Variants in TNPO3 observed in about 807,000 individuals in gnomAD.
The protein encoded by TNPO3 is transportin-3.
TNPO3 carries 65 observed loss-of-function variants against 122.8 expected under a neutral mutation model. That is an observed-to-expected ratio of 0.53 (90% confidence interval 0.43 to 0.65). The LOEUF (loss-of-function observed/expected upper bound fraction) is 0.65. Among genes scored for constraint, TNPO3 ranks in the 30% least tolerant of loss-of-function variants. The pLI is 0.00. For synonymous variants in TNPO3, 372 were observed against 411.2 expected, an observed-to-expected ratio of 0.90 and a Z score of 1.15; for missense variants, 850 against 1,136.7, an observed-to-expected ratio of 0.75 and a Z score of 3.63.
rs767958542 is a variant in TNPO3 at position 129,017,837 on chromosome 7, T to C, written c.321+120A>G. ...CGTTTTCTATCCACTTACAAGAACA[T>C]AGCAGTACATCTGTAATGAAGTTAA... On this transcript the variant is annotated intron_variant, in intron 2 of 22. Transcript: ENST00000265388. The C allele has an allele frequency of 1.2e-5, 12 of 968,810 alleles. No individual in the cohort carries two copies. The South Asian group carries it at 1.6e-4, about 13-fold the overall frequency. The allele number at this position is 968,810 out of a possible 1,614,324, so 60.0% of individuals were successfully genotyped here.
intron 4 of TNPO3, among the ~76,000 whole-genome samples, chr7:129,012,936 T>C (rs1803379764): frequency 1.3e-5 from 2 of 152,172 alleles, no homozygotes; most frequent in South Asian, 2.1e-4. Context: ...CCATAAACTA[T>C]AGATTTACAC....
intron 21 of TNPO3, among the ~76,000 whole-genome samples, chr7:128,959,960 G>A (rs1394332607): frequency 1.3e-5 from 2 of 152,170 alleles, no homozygotes; most frequent in Admixed American, 6.5e-5. Context: ...GGTGGAGGTT[G>A]CAGTGAGCTG....
intron 17 of TNPO3, among the ~76,000 whole-genome samples, chr7:128,975,269 T>C (rs1452021568): frequency 2.6e-5 from 4 of 152,222 alleles, no homozygotes; most frequent in Non-Finnish European, 5.9e-5. Flanking sequence ...AGATTCTATT[T>C]AGGTATAGTC....
intron 1 of TNPO3, among the ~76,000 whole-genome samples, chr7:129,035,518 T>G (rs1584588028): frequency 6.6e-6 from 1 of 152,136 alleles, no homozygotes; most frequent in African/African-American, 2.4e-5. Context: ...GAGGCTGTGG[T>G]GGGAGGTCCA....
intron 18 of TNPO3, among the ~76,000 whole-genome samples, chr7:128,973,275 GT>G (rs1563089383): frequency 6.6e-6 from 1 of 152,104 alleles, no homozygotes; most frequent in Non-Finnish European, 1.5e-5. Flanking sequence ...TTTGAAAGTA[GT>G]TTTGCTTGTT....
Position 128,955,166 on chromosome 7 carries a change from G to A in TNPO3, c.*251C>T, listed in dbSNP as rs1040949899. 10 of 289,132 alleles carry A rather than the reference G, an allele frequency of 3.5e-5. No homozygotes were observed. The Admixed American group carries it at 3.5e-4, about 10-fold the overall frequency. 17.9% of individuals were successfully genotyped at this position (289,132 alleles called of 1,614,324 possible). A position where few individuals can be genotyped will look rare whatever the true frequency, so the allele number is the denominator to read the frequency against. The stretch of plus-strand genomic sequence containing the variant: ...AGGAAACCAGCTCCCCTCCCACCAC[G>A]CCGGGCAGGCCACAGCCATCTTTTT... On this transcript the variant is annotated 3_prime_UTR_variant, in exon 23 of 23. Transcript: ENST00000265388.
chr7:129,044,267 A>G (rs1807756575), intron 1 of TNPO3, among the ~76,000 whole-genome samples: 1 of 152,200 alleles, frequency 6.6e-6, no homozygotes, highest in African/African-American at 2.4e-5. Flanking sequence ...GCCTTGCTCA[A>G]AACATCTATG....
In TNPO3 at chr7:128,990,015, T is replaced by G; in HGVS notation, c.1444A>C (p.Ile482Leu). ...TCACTCATCTCTCCAACCAATTCAA[T>G]GCTGGTGTATCGCACAGCCGTATGT... is the stretch of plus-strand genomic sequence containing the variant. Reference protein sequence around the residue: ...TVHTAVRYTSIELVGEMSEVV... With the variant: ...TVHTAVRYTSLELVGEMSEVV... The change falls in exon 11 of 23, where the codon ATT becomes CTT. Residue 482 changes from isoleucine (I) to leucine (L), a missense_variant. By Grantham distance (5) the Ile-to-Leu change is conservative. Coordinates refer to ENST00000265388, the MANE Select transcript of TNPO3 (RefSeq NM_012470.4). 6.2e-7 allele frequency: 1 copy of G among 1,614,246 alleles called. No homozygotes were observed. The highest frequency in any genetic ancestry group is 8.5e-7 in the Non-Finnish European group (1 of 1,180,046).
chr7:128,998,775 C>T (rs1801611843), intron 7 of TNPO3, among the ~76,000 whole-genome samples: 1 of 152,196 alleles, frequency 6.6e-6, no homozygotes, highest in Non-Finnish European at 1.5e-5. Context: ...CCTCCCACCT[C>T]AGCCTCCAAA....
intron 16 of TNPO3, among the ~76,000 whole-genome samples, chr7:128,976,550 T>G (rs998424502): frequency 6.6e-6 from 1 of 152,160 alleles, no homozygotes; most frequent in Non-Finnish European, 1.5e-5. Flanking sequence ...CTTGGCTCAC[T>G]GTGGCCTCAA....
intron 11 of TNPO3, among the ~76,000 whole-genome samples, chr7:128,989,727 T>C (rs1183244323): frequency 6.6e-6 from 1 of 152,176 alleles, no homozygotes; most frequent in African/African-American, 2.4e-5. Flanking sequence ...TAGAAGCAAA[T>C]TGTTCACTGT....
At chr7:128,995,397 T>C (rs1801199949) in intron 8 of TNPO3, among the ~76,000 whole-genome samples, 1 of 152,190 alleles carries the variant, frequency 6.6e-6, no homozygotes, top group African/African-American at 2.4e-5. Flanking sequence ...GAAAAGCCCT[T>C]AGTACTATTG....
chr7:128,978,460 C>T (rs1250823923), intron 16 of TNPO3, among the ~76,000 whole-genome samples: 1 of 152,154 alleles, frequency 6.6e-6, no homozygotes, highest in Non-Finnish European at 1.5e-5. Context: ...AAGTCATTCG[C>T]TTCACAGAAT....
At chr7:129,025,552 G>A (rs117125803) in intron 1 of TNPO3, among the ~76,000 whole-genome samples, 2 of 152,062 alleles carry the variant, frequency 1.3e-5, no homozygotes, top group Non-Finnish European at 2.9e-5. Context: ...CTTCTGGAGC[G>A]GAATGGCCAG....
At chr7:129,025,469 A>G (rs1185871021) in intron 1 of TNPO3, among the ~76,000 whole-genome samples, 2 of 151,706 alleles carry the variant, frequency 1.3e-5, no homozygotes, top group African/African-American at 2.4e-5. Flanking sequence ...AAGAAACACA[A>G]AGGATTACTA....
chr7:128,986,846 T>C lies in TNPO3; in HGVS notation c.1573A>G (p.Asn525Asp). The change falls in exon 12 of 23, where the codon AAC (asparagine) becomes GAC (aspartate). Residue 525 changes from asparagine (N) to aspartate (D), a missense_variant. Transcript: ENST00000265388. ...LASAAAKAIH[N>D]ICSVCRDHMA... ...TGATCTCGGCAGACAGAGCAAATGT[T>C]ATGAATGGCTTTGGCTGCAGCAGAA... 1 of 1,614,114 alleles carries C rather than the reference T, an allele frequency of 6.2e-7. No homozygotes were observed. Among genetic ancestry groups the C allele is most frequent in the Non-Finnish European group, 8.5e-7 (1 of 1,180,000 alleles).
chr7:128,966,137 G>T, intron 21 of TNPO3, among the ~76,000 whole-genome samples: 1 of 152,164 alleles, frequency 6.6e-6, no homozygotes, highest in South Asian at 2.1e-4. Flanking sequence ...CTCAAGTTAG[G>T]TTATGTAATA....
intron 4 of TNPO3, among the ~76,000 whole-genome samples, chr7:129,013,569 C>T (rs1251849836): frequency 1.3e-5 from 2 of 152,098 alleles, no homozygotes; most frequent in Non-Finnish European, 2.9e-5. Context: ...GGAAGTTTCT[C>T]AACAGACTGA....
intron 18 of TNPO3, among the ~76,000 whole-genome samples, chr7:128,974,173 CAAAAAAG>C (rs1176455099): frequency 1.3e-5 from 2 of 148,574 alleles, no homozygotes; most frequent in African/African-American, 2.5e-5. Flanking sequence ...GAGTCCATCT[CAAAAAAG>C]AAAAAAGAAA....
Sources: allele counts gnomAD v4.1 joint callset (sites outside exome capture counted in the v4.1 genomes callset), GRCh38; gene constraint gnomAD v4.1.1; transcripts MANE v1.5; gene names NCBI Gene and HGNC (gene_info 2026-07-23, HGNC 2026-07-21).